Variants in PCDH11X observed in about 807,000 individuals in gnomAD.
PCDH11X encodes the protein protocadherin-11 X-linked.
A neutral mutation model predicts 53.3 loss-of-function variants in PCDH11X; 18 were observed. That is an observed-to-expected ratio of 0.34 (90% CI 0.23 to 0.50). PCDH11X has a LOEUF of 0.50. PCDH11X is among the 20% of genes least tolerant of loss of function. PCDH11X has a pLI of 0.98. For missense variants in PCDH11X, 570 were observed against 1,032.4 expected (o/e 0.55, Z 6.14); for synonymous variants, 279 against 393.3 (o/e 0.71, Z 3.44).
At chrX:92,197,518 G>A (rs991777152) in intron 6 of PCDH11X, among the ~76,000 whole-genome samples, 1 of 111,264 alleles carries the variant, frequency 9.0e-6, no homozygotes, top group Admixed American at 9.6e-5. Context: ...CCACAGTAAG[G>A]GTCATGCTTT....
chrX:92,399,600 A>C (rs1483376931), intron 9 of PCDH11X, among the ~76,000 whole-genome samples: 9 of 112,255 alleles, frequency 8.0e-5, no homozygotes, highest in Non-Finnish European at 1.3e-4. Flanking sequence ...AGTAAAGTGC[A>C]GAAAAGCATT....
chrX:92,483,207 T>C (rs1409893804), intron 10 of PCDH11X, among the ~76,000 whole-genome samples: 1 of 111,763 alleles, frequency 8.9e-6, no homozygotes, highest in Non-Finnish European at 1.9e-5. Context: ...TATTTTGTTC[T>C]TTTACAAAAG....
At chrX:92,423,638 C>T (rs1413333142) in intron 9 of PCDH11X, among the ~76,000 whole-genome samples, 1 of 93,267 alleles carries the variant, frequency 1.1e-5, no homozygotes, top group African/African-American at 3.5e-5. Flanking sequence ...AGATTTAAGT[C>T]CTTGTTGCAT....
chrX:92,155,103 GCT>G (rs1292470217), intron 6 of PCDH11X, among the ~76,000 whole-genome samples: 7 of 55,810 alleles, frequency 1.3e-4, no homozygotes, highest in South Asian at 2.9e-3. Context: ...CCGTCTGTAT[GCT>G]CTCCTTTGAG....
At chrX:91,790,324 C>G (rs1368487497) in intron 1 of PCDH11X, among the ~76,000 whole-genome samples, 1 of 111,724 alleles carries the variant, frequency 9.0e-6, no homozygotes, top group Admixed American at 9.5e-5. Flanking sequence ...GAAAACCATT[C>G]ATCATACAGT....
chrX:91,940,880 A>G (rs1305277177), intron 6 of PCDH11X, among the ~76,000 whole-genome samples: 1 of 109,457 alleles, frequency 9.1e-6, no homozygotes, highest in Non-Finnish European at 1.9e-5. Context: ...ATGTAGGATA[A>G]TATAGTCTGA....
chrX:91,882,648 G>A (rs1939967392), intron 6 of PCDH11X, among the ~76,000 whole-genome samples: 1 of 109,864 alleles, frequency 9.1e-6, no homozygotes, highest in Admixed American at 9.7e-5. Context: ...GAAATGAGGT[G>A]AATGAATGGT....
At chrX:92,217,040 C>A (rs2066733944) in intron 7 of PCDH11X, among the ~76,000 whole-genome samples, 1 of 111,305 alleles carries the variant, frequency 9.0e-6, no homozygotes, top group African/African-American at 3.3e-5. Context: ...TCTAAAAGAG[C>A]TCCTGAAGGA....
intron 10 of PCDH11X, among the ~76,000 whole-genome samples, chrX:92,573,722 G>T (rs1462405214): frequency 9.1e-6 from 1 of 109,620 alleles, no homozygotes; most frequent in East Asian, 2.9e-4. Flanking sequence ...ATAAGGTAAA[G>T]TTTTGTAAGA....
chrX:92,065,101 G>A (rs1446854332), intron 6 of PCDH11X, among the ~76,000 whole-genome samples: 1 of 98,105 alleles, frequency 1.0e-5, no homozygotes, highest in Non-Finnish European at 2.0e-5. Flanking sequence ...GTATGCTCCT[G>A]GGGCCTGGGG....
At chrX:92,261,128 C>T (rs1018443198) in intron 7 of PCDH11X, among the ~76,000 whole-genome samples, 1 of 110,077 alleles carries the variant, frequency 9.1e-6, no homozygotes, top group African/African-American at 3.3e-5. Context: ...CAGCTACTTG[C>T]CTGCTTGCCA....
At chrX:92,009,071 T>G (rs1431869548) in intron 6 of PCDH11X, among the ~76,000 whole-genome samples, 4 of 112,433 alleles carry the variant, frequency 3.6e-5, no homozygotes, top group Non-Finnish European at 7.5e-5. Flanking sequence ...ACAATTGCAA[T>G]AGCTGTGTTT....
At chrX:92,048,005 A>C in intron 6 of PCDH11X, among the ~76,000 whole-genome samples, 1 of 111,243 alleles carries the variant, frequency 9.0e-6, no homozygotes, top group Middle Eastern at 4.6e-3. Flanking sequence ...ATACTTGCTG[A>C]TGACTTTTTT....
chrX:92,134,784 A>C (rs2065057196), intron 6 of PCDH11X, among the ~76,000 whole-genome samples: 1 of 111,383 alleles, frequency 9.0e-6, no homozygotes. Context: ...CTGTCATGGC[A>C]CTGGGGGGAA....
At chrX:91,786,903 C>T (rs1303399400) in intron 1 of PCDH11X, among the ~76,000 whole-genome samples, 2 of 110,969 alleles carry the variant, frequency 1.8e-5, no homozygotes, top group East Asian at 5.6e-4. Flanking sequence ...TATAATGTGT[C>T]TTGGATTAAA....
At chrX:92,456,017 A>G (rs995453414) in intron 9 of PCDH11X, among the ~76,000 whole-genome samples, 1 of 112,147 alleles carries the variant, frequency 8.9e-6, no homozygotes, top group African/African-American at 3.2e-5. Context: ...TAAAAGTAAA[A>G]TCATTTCGGA....
At chrX:92,462,827 T>C (rs964926775) in intron 9 of PCDH11X, among the ~76,000 whole-genome samples, 2 of 107,406 alleles carry the variant, frequency 1.9e-5, no homozygotes, top group African/African-American at 6.8e-5. Context: ...AAAAAGATTC[T>C]TTAAAAAAAG....
chrX:92,022,971 A>G (rs2062910247), intron 6 of PCDH11X, among the ~76,000 whole-genome samples: 1 of 110,570 alleles, frequency 9.0e-6, no homozygotes, highest in Admixed American at 9.7e-5. Flanking sequence ...GAAACCAGTG[A>G]GAACAAAGAG....
intron 6 of PCDH11X, among the ~76,000 whole-genome samples, chrX:92,169,875 C>T (rs1456806922): frequency 9.0e-6 from 1 of 110,648 alleles, no homozygotes; most frequent in Non-Finnish European, 1.9e-5. Flanking sequence ...CAGTCTTGTG[C>T]GGTGTACAAA....
Sources: gnomAD v4.1 joint callset for allele counts (sites outside exome capture counted in the v4.1 genomes callset) on GRCh38, gnomAD v4.1.1 for gene constraint, MANE v1.5 for transcripts, NCBI Gene and HGNC (gene_info 2026-07-23, HGNC 2026-07-21) for gene names.